ZNF761: variants seen among roughly 807,000 people sequenced by gnomAD.
The protein encoded by ZNF761 is zinc finger protein 761.
In ZNF761, 43 loss-of-function variants were observed where a neutral mutation model predicts 59.9. The observed-to-expected ratio is 0.72, with a 90% CI of 0.56 to 0.92. The LOEUF (loss-of-function observed/expected upper bound fraction) is 0.92. Ranked by LOEUF, ZNF761 falls within the 40% of genes least tolerant of loss-of-function variation. The pLI, the probability that ZNF761 is intolerant of heterozygous loss-of-function variation, is 0.00. For missense variants in ZNF761, 850 were observed against 906.1 expected (o/e 0.94, Z 0.79); for synonymous variants, 294 against 304.8 (o/e 0.96, Z 0.37).
At chr19:53,442,021 C>T (rs1018889555) in intron 1 of ZNF761, 33 of 1,024,330 alleles carry the variant, frequency 3.2e-5, no homozygotes, top group African/African-American at 1.1e-4. Context: ...CCTCCGTGAA[C>T]GGTAGGATCC....
At chr19:53,433,050 G>T (rs1386393229) in intron 1 of ZNF761, among the ~76,000 whole-genome samples, 43 of 31,088 alleles carry the variant, frequency 1.4e-3, no homozygotes, top group African/African-American at 0.012. Context: ...GGACAGGGGG[G>T]TATAACAGGG....
chr19:53,433,985 A>T (rs1036480040), intron 1 of ZNF761, among the ~76,000 whole-genome samples: 1 of 152,118 alleles, frequency 6.6e-6, no homozygotes, highest in Non-Finnish European at 1.5e-5. Context: ...CACTTTCTAC[A>T]TACTCCTCCT....
At position 53,456,654 on chromosome 19, in the gene ZNF761, AACCTT is replaced by A. The variant is rs749525489; in HGVS notation, c.2150_2154del (p.Pro717GlnfsTer3). ...CACCATAGACTTCATACTGGAGAGA[AACCTT>A]ACAAGTGTAATGAGTGTGGCAAGAC... On this transcript the variant is annotated frameshift_variant, in exon 5 of 5. Transcript: ENST00000684525. LOFTEE classifies it high-confidence loss of function. 6.8e-6 allele frequency: 11 copies of A among 1,613,862 alleles called. No homozygotes were observed. The South Asian group carries it at 9.9e-5, about 14-fold the overall frequency.
At chr19:53,432,636 C>G (rs890362582) in intron 1 of ZNF761, among the ~76,000 whole-genome samples, 1 of 152,172 alleles carries the variant, frequency 6.6e-6, no homozygotes, top group African/African-American at 2.4e-5. Flanking sequence ...AGGCGTCTTA[C>G]TCCAAACCCT....
intron 4 of ZNF761, among the ~76,000 whole-genome samples, chr19:53,451,257 C>A (rs2086219176): frequency 6.6e-6 from 1 of 152,208 alleles, no homozygotes; most frequent in Admixed American, 6.5e-5. Flanking sequence ...GTCGCCCATG[C>A]TGGAGTGCAA....
chr19:53,450,707 A>T (rs1211466929), intron 4 of ZNF761, among the ~76,000 whole-genome samples: 1 of 152,040 alleles, frequency 6.6e-6, no homozygotes, highest in African/African-American at 2.4e-5. Context: ...TCTCGGGTTC[A>T]AATGTTTCTT....
chr19:53,453,799 C>A (rs947830007), intron 4 of ZNF761, among the ~76,000 whole-genome samples: 10 of 152,026 alleles, frequency 6.6e-5, no homozygotes, highest in African/African-American at 2.4e-4. Context: ...TGGCTTCAAC[C>A]CAAAAGGTGG....
At chr19:53,437,526 C>T (rs1423161524) in intron 1 of ZNF761, among the ~76,000 whole-genome samples, 16 of 152,058 alleles carry the variant, frequency 1.1e-4, no homozygotes, top group Non-Finnish European at 5.9e-5. Context: ...TAACTTGGGT[C>T]GTCTTGGAGA....
chr19:53,453,688 C>T (rs2086240186), intron 4 of ZNF761, among the ~76,000 whole-genome samples: 1 of 152,002 alleles, frequency 6.6e-6, no homozygotes, highest in South Asian at 2.1e-4. Context: ...CTGGCCTGGC[C>T]AACGTGTTGA....
chr19:53,445,630 G>A (rs2086149439), intron 1 of ZNF761, among the ~76,000 whole-genome samples: 2 of 152,012 alleles, frequency 1.3e-5, no homozygotes, highest in Admixed American at 1.3e-4. Context: ...TCTGGCAGAG[G>A]GGAGTGCCCA....
intron 1 of ZNF761, chr19:53,445,345 C>A (rs1000972814): frequency 6.6e-6 from 1 of 152,132 alleles, no homozygotes; most frequent in South Asian, 2.1e-4. Flanking sequence ...TTAGCCCAGG[C>A]CTGTGAAAGA....
chr19:53,455,696 C>T lies in ZNF761; in HGVS notation c.1189C>T (p.Leu397Phe), dbSNP rs1428696305. 1.2e-6 allele frequency: 2 copies of T among 1,613,656 alleles called. No homozygotes were observed. Among genetic ancestry groups the T allele is most frequent in the Non-Finnish European group, 1.7e-6 (2 of 1,179,990 alleles). Reference protein sequence around the residue: ...CGKTFSHKSSLTCHRRLHTGE... With the variant: ...CGKTFSHKSSFTCHRRLHTGE... ...CAAGACCTTTAGTCACAAGTCATCC[C>T]TTACATGCCATCGTAGACTTCATAC... Residue 397 changes from leucine (L) to phenylalanine (F), a missense_variant, in exon 5 of 5, where the codon CTT (leucine) becomes TTT (phenylalanine). Physicochemically the swap from Leu to Phe is conservative, Grantham distance 22. Transcript: ENST00000684525.
Position 53,457,492 on chromosome 19 carries a change from T to TG in ZNF761, c.*745dup. The TG allele has an allele frequency of 2.6e-6, 1 of 391,682 alleles. No homozygotes were observed. Among genetic ancestry groups the TG allele is most frequent in the Non-Finnish European group, 5.1e-6 (1 of 197,074 alleles). The allele number at this position is 391,682 out of a possible 1,614,324, so 24.3% of individuals were successfully genotyped here. On this transcript the variant is annotated 3_prime_UTR_variant, in exon 5 of 5. Coordinates refer to ENST00000684525, the MANE Select transcript of ZNF761 (RefSeq NM_001289951.2). The stretch of plus-strand genomic sequence containing the variant: ...GCATACTGGACAGAAATCTTACAAA[T>TG]GTCATCAATGTGCCAAGGTCTTCAG...
intron 4 of ZNF761, among the ~76,000 whole-genome samples, chr19:53,451,340 A>G (rs1212993882): frequency 6.6e-6 from 1 of 152,168 alleles, no homozygotes; most frequent in Admixed American, 6.5e-5. Flanking sequence ...TGTCATGAGT[A>G]GCTGGGATTA....
chr19:53,439,885 T>G (rs547197020), intron 1 of ZNF761, among the ~76,000 whole-genome samples: 19 of 152,292 alleles, frequency 1.2e-4, no homozygotes, highest in African/African-American at 4.6e-4. Context: ...AGGAGTTGCT[T>G]CTGGTTTTAA....
At chr19:53,445,572 C>A (rs1425605473) in intron 1 of ZNF761, among the ~76,000 whole-genome samples, 1 of 152,098 alleles carries the variant, frequency 6.6e-6, no homozygotes, top group African/African-American at 2.4e-5. Flanking sequence ...GTGACCCAGT[C>A]CCCTGAAATG....
In ZNF761 at chr19:53,455,552, A is replaced by C; in HGVS notation, c.1045A>C (p.Thr349Pro). 1 of 1,613,064 alleles carries C rather than the reference A, an allele frequency of 6.2e-7. No individual in the cohort carries two copies. The highest frequency in any genetic ancestry group is 8.5e-7 in the Non-Finnish European group (1 of 1,179,526). The stretch of plus-strand genomic sequence containing the variant: ...CCTTACACGCCATCATCGACTTCAT[A>C]CTGGAGAGAAACCTTACAAGTGTAA... ...SILTRHHRLH[T>P]GEKPYKCNEC... Residue 349 changes from threonine to proline, a missense_variant, in exon 5 of 5, where the codon ACT becomes CCT. Thr to Pro is a conservative substitution (Grantham distance 38). Coordinates refer to ENST00000684525, the MANE Select transcript of ZNF761 (RefSeq NM_001289951.2).
chr19:53,454,820 G>A lies in ZNF761; in HGVS notation c.313G>A (p.Glu105Lys), dbSNP rs2086249957. The change falls in exon 5 of 5, where the codon GAA (glutamate) becomes AAA (lysine). Residue 105 changes from glutamate to lysine, a missense_variant. Glu to Lys is a moderately conservative substitution (Grantham distance 56, BLOSUM62 1). Coordinates refer to ENST00000684525, the MANE Select transcript of ZNF761 (RefSeq NM_001289951.2). The part of the protein sequence containing the change: ...HDYEFQWQED[E>K]RNGHEAPMTK... ...CTATGAATTTCAATGGCAAGAAGAT[G>A]AAAGAAATGGCCATGAAGCACCCAT... 1 of 1,613,986 alleles carries A rather than the reference G, an allele frequency of 6.2e-7. No homozygotes were observed. Among genetic ancestry groups the A allele is most frequent in the Admixed American group, 1.7e-5 (1 of 59,996 alleles).
chr19:53,448,949 T>C (rs1438241899), intron 3 of ZNF761, among the ~76,000 whole-genome samples: 3 of 152,126 alleles, frequency 2.0e-5, no homozygotes, highest in Non-Finnish European at 4.4e-5. Context: ...GATTTTAGTT[T>C]CTCATCTTTC....
Sources: gnomAD v4.1 joint callset for allele counts (sites outside exome capture counted in the v4.1 genomes callset) on GRCh38, gnomAD v4.1.1 for gene constraint, MANE v1.5 for transcripts, NCBI Gene and HGNC (gene_info 2026-07-23, HGNC 2026-07-21) for gene names.